TRABD2B: variants seen among roughly 807,000 people sequenced by gnomAD.
TRABD2B encodes the protein metalloprotease TIKI2.
In TRABD2B, 14 loss-of-function variants were observed where a neutral mutation model predicts 40.1. The observed-to-expected ratio is 0.35, with a 90% CI of 0.23 to 0.55. TRABD2B has a LOEUF of 0.55. Ranked by LOEUF, TRABD2B falls within the 20% of genes least tolerant of loss-of-function variation. TRABD2B has a pLI of 0.90. For missense variants in TRABD2B, 541 were observed against 648.6 expected (o/e 0.83, Z 1.80); for synonymous variants, 263 against 277.0 (o/e 0.95, Z 0.50).
At chr1:47,807,632 G>A (rs1644909872) in intron 2 of TRABD2B, among the ~76,000 whole-genome samples, 1 of 150,732 alleles carries the variant, frequency 6.6e-6, no homozygotes, top group South Asian at 2.1e-4. Context: ...ATTTGTGTGT[G>A]TGTGTGTCTG....
intron 2 of TRABD2B, among the ~76,000 whole-genome samples, chr1:47,977,567 C>G (rs1645774908): frequency 6.6e-6 from 1 of 151,790 alleles, no homozygotes; most frequent in African/African-American, 2.4e-5. Context: ...GACTGAGGCA[C>G]TCAGAGAAGG....
chr1:47,981,006 T>C (rs899849337), intron 2 of TRABD2B, among the ~76,000 whole-genome samples: 1 of 152,086 alleles, frequency 6.6e-6, no homozygotes, highest in African/African-American at 2.4e-5. Flanking sequence ...TTCCCTCTTT[T>C]CTTTTTTCTT....
intron 2 of TRABD2B, among the ~76,000 whole-genome samples, chr1:47,913,702 C>A (rs960038583): frequency 6.6e-6 from 1 of 152,160 alleles, no homozygotes; most frequent in Non-Finnish European, 1.5e-5. Flanking sequence ...CCTTTCCTAC[C>A]TCATCATGCT....
rs927534678 is a variant in TRABD2B at position 47,994,865 on chromosome 1, C to T, written c.103-268G>A. ...AAAATGGGGGTGAAAGCAACTACCT[C>T]GGGTTGTTGGGAGGATTAAAAGATA... On this transcript the variant is annotated intron_variant, in intron 1 of 6. Transcript: ENST00000606738. This position sits in a 1 kb window ranked among gnomAD's most constrained non-coding sequence, Gnocchi z 6.7. Among the ~76,000 whole-genome samples, 5 of 152,162 alleles carry T rather than the reference C, an allele frequency of 3.3e-5. No homozygotes were observed. The highest frequency in any genetic ancestry group is 4.4e-5 in the Non-Finnish European group (3 of 68,038).
rs945751322 is a variant in TRABD2B at position 47,997,074 on chromosome 1, G to C, written c.-285C>G. 1 of 984,422 alleles carries C rather than the reference G, an allele frequency of 1.0e-6. No homozygotes were observed. Among genetic ancestry groups the C allele is most frequent in the African/African-American group, 1.7e-5 (1 of 57,190 alleles). The allele number at this position is 984,422 out of a possible 1,614,324, so 61.0% of individuals were successfully genotyped here. A position where few individuals can be genotyped will look rare whatever the true frequency, so the allele number is the denominator to read the frequency against. ...GGTGCTGAGGGCGTGTTGGGGTCCG[G>C]GGGCGCGCGGGGTCCCGGAGCTGCG... is the stretch of plus-strand genomic sequence containing the variant. On this transcript the variant is annotated 5_prime_UTR_variant, in exon 1 of 7. Coordinates refer to ENST00000606738, the MANE Select transcript of TRABD2B (RefSeq NM_001194986.2).
Position 47,994,013 on chromosome 1 carries a change from G to A in TRABD2B, c.666+21C>T. On this transcript the variant is annotated intron_variant, in intron 2 of 6. Coordinates refer to ENST00000606738, the MANE Select transcript of TRABD2B (RefSeq NM_001194986.2). The surrounding 1 kb of genome is among the most constrained non-coding windows in gnomAD (Gnocchi z 6.7). ...AGGTACCCAGGGCTGTCAGCTCCGGGCTGGGGCACTGCATGCCTACCTGGG... is the reference window on the plus strand; with the variant it reads ...AGGTACCCAGGGCTGTCAGCTCCGGACTGGGGCACTGCATGCCTACCTGGG... 6.6e-7 allele frequency: 1 copy of A among 1,526,694 alleles called. No individual in the cohort carries two copies. Among genetic ancestry groups the A allele is most frequent in the Non-Finnish European group, 8.8e-7 (1 of 1,140,436 alleles). 94.6% of individuals were successfully genotyped at this position (1,526,694 alleles called of 1,614,324 possible). A position where few individuals can be genotyped will look rare whatever the true frequency, so the allele number is the denominator to read the frequency against.
Position 47,994,543 on chromosome 1 carries a change from G to C in TRABD2B, c.157C>G (p.Leu53Val). The part of the protein sequence containing the change: ...WTIRRDPPAY[L>V]FGTIHVPYTR... ...TAGGGGACGTGAATAGTGCCAAACA[G>C]GTAGGCCGGAGGATCACGCCGAATC... Residue 53 changes from leucine to valine, a missense_variant, in exon 2 of 7, where the codon CTG becomes GTG. Around this residue, in one of 2 missense-constraint regions of TRABD2B, gnomAD observed 369 missense variants for 492.8 expected, o/e 0.75. Coordinates refer to ENST00000606738, the MANE Select transcript of TRABD2B (RefSeq NM_001194986.2). This position sits in a 1 kb window ranked among gnomAD's most constrained non-coding sequence, Gnocchi z 6.7. 6.5e-7 allele frequency: 1 copy of C among 1,536,106 alleles called. No individual in the cohort carries two copies. Among genetic ancestry groups the C allele is most frequent in the Non-Finnish European group, 8.7e-7 (1 of 1,146,910 alleles).
At chr1:47,906,659 T>C (rs896425470) in intron 2 of TRABD2B, among the ~76,000 whole-genome samples, 1 of 152,214 alleles carries the variant, frequency 6.6e-6, no homozygotes, top group African/African-American at 2.4e-5. Context: ...CTGGAGGCTG[T>C]CAGCCGGCTG....
intron 2 of TRABD2B, among the ~76,000 whole-genome samples, chr1:47,928,095 G>A (rs909682139): frequency 3.9e-5 from 6 of 152,172 alleles, no homozygotes; most frequent in African/African-American, 1.4e-4. Context: ...GAGAAGTATT[G>A]TTCTAGTCCA....
At chr1:47,889,556 T>C (rs548577412) in intron 2 of TRABD2B, among the ~76,000 whole-genome samples, 185 of 152,300 alleles carry the variant, frequency 1.2e-3, no homozygotes, top group Admixed American at 3.7e-3. Flanking sequence ...AATAGCAAAC[T>C]GTGAGGGCAG....
chr1:47,832,463 G>T lies in TRABD2B; in HGVS notation c.667-30844C>A, dbSNP rs555930300. Among the ~76,000 whole-genome samples, 4 of 152,246 alleles carry T rather than the reference G, an allele frequency of 2.6e-5. No homozygotes were observed. In the South Asian group the frequency reaches 6.2e-4, roughly 24 times the overall value. On this transcript the variant is annotated intron_variant, in intron 2 of 6. Coordinates refer to ENST00000606738, the MANE Select transcript of TRABD2B (RefSeq NM_001194986.2). ...AACAATAGCAATCCTGTTTTGGGGGGGATGATTTAAATGCATGGGACTAGC... is the reference window on the plus strand; with the variant it reads ...AACAATAGCAATCCTGTTTTGGGGGTGATGATTTAAATGCATGGGACTAGC...
chr1:47,971,103 G>C (rs1398994582), intron 2 of TRABD2B, among the ~76,000 whole-genome samples: 3 of 152,216 alleles, frequency 2.0e-5, no homozygotes, highest in Admixed American at 6.5e-5. Context: ...CACGGTAAAA[G>C]AAATCAGGCT....
At chr1:47,876,902 T>C (rs901450910) in intron 2 of TRABD2B, among the ~76,000 whole-genome samples, 2 of 152,174 alleles carry the variant, frequency 1.3e-5, no homozygotes, top group Non-Finnish European at 1.5e-5. Flanking sequence ...CAACTGTCTG[T>C]CAAGCTCTTC....
chr1:47,925,019 C>T (rs1644951398), intron 2 of TRABD2B, among the ~76,000 whole-genome samples: 1 of 152,204 alleles, frequency 6.6e-6, no homozygotes, highest in Admixed American at 6.5e-5. Flanking sequence ...GGGAAGTCAC[C>T]TAGCCCAGAA....
At chr1:47,959,767 C>A (rs303922) in intron 2 of TRABD2B, among the ~76,000 whole-genome samples, 11 of 152,214 alleles carry the variant, frequency 7.2e-5, no homozygotes, top group East Asian at 1.9e-4. Context: ...ATTCACAGCC[C>A]AATTCTACCA....
intron 2 of TRABD2B, among the ~76,000 whole-genome samples, chr1:47,906,462 A>G (rs1027576254): frequency 6.6e-6 from 1 of 152,200 alleles, no homozygotes; most frequent in African/African-American, 2.4e-5. Context: ...ATGGCGAGAT[A>G]ATGCCTTTCT....
At chr1:47,993,953 C>G (rs911809719) in intron 2 of TRABD2B, 81 bp downstream of exon 2, 36 of 1,389,888 alleles carry the variant, frequency 2.6e-5, no homozygotes, top group African/African-American at 7.2e-5. Context: ...TCCCCCTCCC[C>G]CTCGGAGAAG....
chr1:47,886,007 T>A (rs74867506), intron 2 of TRABD2B, among the ~76,000 whole-genome samples: 1 of 152,182 alleles, frequency 6.6e-6, no homozygotes, highest in African/African-American at 2.4e-5. Context: ...CTGAAGAGAA[T>A]CTTTATTTTG....
intron 2 of TRABD2B, among the ~76,000 whole-genome samples, chr1:47,848,895 G>A (rs1023476524): frequency 1.3e-5 from 2 of 152,216 alleles, no homozygotes; most frequent in African/African-American, 4.8e-5. Context: ...TGTCCTTAAG[G>A]ATATTAGGCT....
Sources: allele counts gnomAD v4.1 joint callset (sites outside exome capture counted in the v4.1 genomes callset), GRCh38; gene constraint gnomAD v4.1.1; regional missense constraint gnomAD v4.1.1; non-coding constraint Gnocchi (gnomAD v3.1); transcripts MANE v1.5; gene names NCBI Gene and HGNC (gene_info 2026-07-23, HGNC 2026-07-21).